SPOP: variants seen among roughly 807,000 people sequenced by gnomAD.
SPOP encodes speckle-type POZ protein.
A neutral mutation model predicts 45.6 loss-of-function variants in SPOP; 11 were observed. The observed-to-expected ratio is 0.24, with a 90% confidence interval of 0.15 to 0.40. SPOP has a LOEUF of 0.40. SPOP is among the 10% of genes least tolerant of loss of function. The probability of loss-of-function intolerance (pLI) is 1.00; values close to 1 mark genes in which losing one functional copy is unlikely to be tolerated. For missense variants in SPOP, 152 were observed against 465.6 expected (o/e 0.33, Z 6.20); for synonymous variants, 166 against 166.3 (o/e 1.00, Z 0.01).
chr17:49,671,809 C>T (rs1597989520), intron 1 of SPOP, among the ~76,000 whole-genome samples: 2 of 152,170 alleles, frequency 1.3e-5, no homozygotes, highest in East Asian at 3.9e-4. Flanking sequence ...AGTTTGAGGC[C>T]AGCCTGGCCA....
At chr17:49,605,550 T>C (rs2071823264) in intron 8 of SPOP, among the ~76,000 whole-genome samples, 1 of 148,558 alleles carries the variant, frequency 6.7e-6, no homozygotes, top group African/African-American at 2.5e-5. Flanking sequence ...ATTAGCTGGG[T>C]GTGGTGGTGC....
At chr17:49,607,102 G>T in intron 8 of SPOP, 148 bp downstream of exon 8, 1 of 885,784 alleles carries the variant, frequency 1.1e-6, no homozygotes, top group Non-Finnish European at 1.7e-6. Flanking sequence ...TAATAATTGT[G>T]TTGGAATAAT....
chr17:49,656,085 C>A (rs2072909543), intron 1 of SPOP, among the ~76,000 whole-genome samples: 1 of 152,022 alleles, frequency 6.6e-6, no homozygotes, highest in Admixed American at 6.6e-5. Flanking sequence ...GTGCTGTGAC[C>A]ACAGGTGTGA....
chr17:49,599,334 GA>G lies in SPOP; in HGVS notation c.*1043del. Reference sequence around the variant, plus strand: ...TCAAAAAAAAAAAAATTAACATTTGGAAGTTCTCCCCTGGAGGAAGAGGGGC... The same window carrying G: ...TCAAAAAAAAAAAAATTAACATTTGGAGTTCTCCCCTGGAGGAAGAGGGGC... On this transcript the variant is annotated 3_prime_UTR_variant, in exon 10 of 10. Coordinates refer to ENST00000504102, the MANE Select transcript of SPOP (RefSeq NM_001007228.2). The G allele has an allele frequency of 8.9e-6, 2 of 223,518 alleles. No individual in the cohort carries two copies. Among genetic ancestry groups the G allele is most frequent in the Non-Finnish European group, 9.0e-6 (1 of 111,710 alleles). 13.8% of individuals were successfully genotyped at this position (223,518 alleles called of 1,614,324 possible). A position where few individuals can be genotyped will look rare whatever the true frequency, so the allele number is the denominator to read the frequency against.
intron 1 of SPOP, among the ~76,000 whole-genome samples, chr17:49,669,193 A>G (rs1036457099): frequency 5.9e-5 from 9 of 151,408 alleles, no homozygotes; most frequent in Non-Finnish European, 1.3e-4. Context: ...CAGCCTCTCA[A>G]GTAGCTGGGA....
intron 1 of SPOP, among the ~76,000 whole-genome samples, chr17:49,662,414 G>C (rs1015390591): frequency 3.2e-4 from 49 of 152,294 alleles, no homozygotes; most frequent in African/African-American, 1.1e-3. Flanking sequence ...AGGCGCGGTG[G>C]CTCACGCCTG....
At chr17:49,676,215 T>C (rs2073197095) in intron 1 of SPOP, among the ~76,000 whole-genome samples, 1 of 151,950 alleles carries the variant, frequency 6.6e-6, no homozygotes, top group Non-Finnish European at 1.5e-5. Context: ...ATCAATAAAG[T>C]ACTAAATGGA....
chr17:49,599,013 C>G lies in SPOP; in HGVS notation c.*1365G>C, dbSNP rs993529456. ...CGGGGGGCAGTTTAAAAGCCCACTA[C>G]CATTACTTGCCTTGGCAGAGGTAGG... is the stretch of plus-strand genomic sequence containing the variant. On this transcript the variant is annotated 3_prime_UTR_variant, in exon 10 of 10. Transcript: ENST00000504102. The G allele has an allele frequency of 1.5e-5, 3 of 203,330 alleles. No homozygotes were observed. Among genetic ancestry groups the G allele is most frequent in the Non-Finnish European group, 3.0e-5 (3 of 98,870 alleles). The allele number at this position is 203,330 out of a possible 1,614,324, so 12.6% of individuals were successfully genotyped here.
At chr17:49,654,699 C>T (rs1398947748) in intron 1 of SPOP, among the ~76,000 whole-genome samples, 1 of 152,000 alleles carries the variant, frequency 6.6e-6, no homozygotes, top group African/African-American at 2.4e-5. Flanking sequence ...GCAGAAGAAT[C>T]GCCTTAACCT....
chr17:49,663,154 GGACGGGC>G (rs1191068892), intron 1 of SPOP, among the ~76,000 whole-genome samples: 1 of 152,242 alleles, frequency 6.6e-6, no homozygotes, highest in Non-Finnish European at 1.5e-5. Flanking sequence ...GGTGAGAGGT[GGACGGGC>G]GAGCAAGCAT....
At chr17:49,675,191 A>G (rs564499771) in intron 1 of SPOP, among the ~76,000 whole-genome samples, 1 of 152,380 alleles carries the variant, frequency 6.6e-6, no homozygotes, top group African/African-American at 2.4e-5. Context: ...ATAAGTACAT[A>G]CAAGGAATTA....
At chr17:49,663,043 C>T (rs1597980031) in intron 1 of SPOP, among the ~76,000 whole-genome samples, 1 of 152,322 alleles carries the variant, frequency 6.6e-6, no homozygotes, top group East Asian at 1.9e-4. Flanking sequence ...AGTACAAGAG[C>T]AATAATGGGT....
intron 8 of SPOP, among the ~76,000 whole-genome samples, chr17:49,605,794 C>T (rs2071830375): frequency 6.6e-6 from 1 of 152,012 alleles, no homozygotes; most frequent in Non-Finnish European, 1.5e-5. Context: ...TTGAGACCAG[C>T]CTGACCAACA....
chr17:49,603,178 A>C (rs1031811415), intron 8 of SPOP, among the ~76,000 whole-genome samples: 5 of 152,190 alleles, frequency 3.3e-5, no homozygotes, highest in African/African-American at 1.2e-4. Flanking sequence ...CCTGCAGCAA[A>C]AAAGAGAGGT....
chr17:49,676,184 TGAAGAGCTCTAAAACGAGAAATCAATA>T (rs369387624), intron 1 of SPOP, among the ~76,000 whole-genome samples: 352 of 152,228 alleles, frequency 2.3e-3, no homozygotes, highest in African/African-American at 7.7e-3. Flanking sequence ...CTAGCTACTA[TGAAGAGCTCTAAAACGAGAAATCAATA>T]AAGTACTAAA....
At chr17:49,630,500 C>T (rs2072430565) in intron 1 of SPOP, among the ~76,000 whole-genome samples, 1 of 152,196 alleles carries the variant, frequency 6.6e-6, no homozygotes, top group Non-Finnish European at 1.5e-5. Flanking sequence ...CTCAGGGCTT[C>T]AGACAGACCT....
chr17:49,607,411 G>C (rs2071873740), intron 7 of SPOP, 39 bp from the exon 8 acceptor site: 1 of 1,596,178 alleles, frequency 6.3e-7, no homozygotes, highest in Non-Finnish European at 8.5e-7. Context: ...CATTCCAACA[G>C]AACAAAATCC....
chr17:49,649,445 G>A (rs949391272), intron 1 of SPOP, among the ~76,000 whole-genome samples: 1 of 152,100 alleles, frequency 6.6e-6, no homozygotes, highest in Non-Finnish European at 1.5e-5. Context: ...GCTGAGGCAG[G>A]AGAATTGCTT....
At chr17:49,661,764 A>G (rs2072990437) in intron 1 of SPOP, among the ~76,000 whole-genome samples, 1 of 152,216 alleles carries the variant, frequency 6.6e-6, no homozygotes, top group Non-Finnish European at 1.5e-5. Flanking sequence ...CTGTAATCCC[A>G]GCAGTTTGGG....
Sources: allele counts gnomAD v4.1 joint callset (sites outside exome capture counted in the v4.1 genomes callset), GRCh38; gene constraint gnomAD v4.1.1; transcripts MANE v1.5; gene names NCBI Gene and HGNC (gene_info 2026-07-23, HGNC 2026-07-21).